Variants in PTPRG observed in about 807,000 individuals in gnomAD.
PTPRG encodes protein tyrosine phosphatase receptor type G, also known as receptor-type tyrosine-protein phosphatase gamma.
Under a neutral mutation model 165.3 loss-of-function variants are expected in PTPRG, and 102 were observed. The ratio of observed to expected loss-of-function variants is 0.62; its 90% CI spans 0.53 to 0.73. The LOEUF is 0.73. Ranked by LOEUF, PTPRG falls within the 30% of genes least tolerant of loss-of-function variation. The pLI, the probability that PTPRG is intolerant of heterozygous loss-of-function variation, is 0.00. For missense variants in PTPRG, 1,866 were observed against 1,861.4 expected, an observed-to-expected ratio of 1.00 and a Z score of -0.05; for synonymous variants, 675 against 669.5, an observed-to-expected ratio of 1.01 and a Z score of -0.13.
At chr3:62,101,967 C>G (rs893134545) in intron 5 of PTPRG, among the ~76,000 whole-genome samples, 16 of 152,122 alleles carry the variant, frequency 1.1e-4, no homozygotes, top group African/African-American at 3.9e-4. Flanking sequence ...GTATCTCTTT[C>G]TTTTTTTAAG....
At chr3:61,857,059 T>C (rs904329766) in intron 2 of PTPRG, among the ~76,000 whole-genome samples, 12 of 152,176 alleles carry the variant, frequency 7.9e-5, no homozygotes, top group African/African-American at 2.9e-4. Context: ...TTTCCCATCC[T>C]ATTTTCCTAT....
intron 5 of PTPRG, among the ~76,000 whole-genome samples, chr3:62,084,449 C>T (rs1040049808): frequency 6.6e-6 from 1 of 152,172 alleles, no homozygotes; most frequent in Non-Finnish European, 1.5e-5. Context: ...TCATTTGCCC[C>T]CTTTTCATTT....
At chr3:62,024,327 C>A (rs371004803) in intron 4 of PTPRG, among the ~76,000 whole-genome samples, 2 of 152,196 alleles carry the variant, frequency 1.3e-5, no homozygotes, top group South Asian at 2.1e-4. Flanking sequence ...TACAGAACTC[C>A]CATCTCCCCA....
Position 61,827,311 on chromosome 3 carries a change from A to G in PTPRG, c.190+78329A>G, listed in dbSNP as rs551827206. Among the ~76,000 whole-genome samples, 4 of 152,320 alleles carry G rather than the reference A, an allele frequency of 2.6e-5. No homozygotes were observed. In the South Asian group the frequency reaches 8.3e-4, roughly 32 times the overall value. On this transcript the variant is annotated intron_variant, in intron 2 of 29. Transcript: ENST00000474889. ...ACCCAGAGAAGTATGTGGTAAATAT[A>G]GGGCTTTGATTTTTAGTCTTTCATG... is the stretch of plus-strand genomic sequence containing the variant.
chr3:62,262,611 TCTTTATAC>T, intron 16 of PTPRG, 179 bp from the exon 17 acceptor site: 1 of 438,188 alleles, frequency 2.3e-6, no homozygotes, highest in Non-Finnish European at 4.0e-6. Context: ...AATAATGAAA[TCTTTATAC>T]CTTTTTCACA....
At chr3:61,840,221 C>T (rs1165916852) in intron 2 of PTPRG, among the ~76,000 whole-genome samples, 2 of 152,042 alleles carry the variant, frequency 1.3e-5, no homozygotes, top group Non-Finnish European at 2.9e-5. Flanking sequence ...GCTTCAGTCA[C>T]TTAGGTTGCT....
intron 8 of PTPRG, among the ~76,000 whole-genome samples, chr3:62,176,787 G>GTACA (rs200451627): frequency 0.018 from 2,750 of 152,134 alleles, 37 homozygotes; most frequent in Non-Finnish European, 0.03. Flanking sequence ...ACAGTACCTG[G>GTACA]TACATAGTAG....
intron 2 of PTPRG, among the ~76,000 whole-genome samples, chr3:61,779,065 CAG>C (rs1229261382): frequency 6.6e-6 from 1 of 152,168 alleles, no homozygotes; most frequent in Non-Finnish European, 1.5e-5. Context: ...TACACACACA[CAG>C]ACACACACAC....
intron 1 of PTPRG, among the ~76,000 whole-genome samples, chr3:61,637,513 T>C (rs1216851234): frequency 6.6e-6 from 1 of 152,198 alleles, no homozygotes; most frequent in African/African-American, 2.4e-5. Context: ...TCTGTGGCTT[T>C]CTGAATGTCA....
chr3:61,757,963 G>A (rs2033688507), intron 2 of PTPRG, among the ~76,000 whole-genome samples: 1 of 152,182 alleles, frequency 6.6e-6, no homozygotes, highest in South Asian at 2.1e-4. Context: ...CATGTGCTCT[G>A]TGATTTACTT....
At chr3:62,103,696 C>T (rs1051704036) in intron 5 of PTPRG, among the ~76,000 whole-genome samples, 2 of 152,204 alleles carry the variant, frequency 1.3e-5, no homozygotes, top group Non-Finnish European at 2.9e-5. Flanking sequence ...GGCAGAGTAT[C>T]TGTGTCTGCA....
intron 5 of PTPRG, among the ~76,000 whole-genome samples, chr3:62,121,916 C>T (rs1019331220): frequency 6.6e-6 from 1 of 152,238 alleles, no homozygotes; most frequent in African/African-American, 2.4e-5. Context: ...CAATCAAGGC[C>T]TGCCAGGAAA....
intron 1 of PTPRG, among the ~76,000 whole-genome samples, chr3:61,564,023 T>C (rs1413617583): frequency 6.6e-6 from 1 of 152,154 alleles, no homozygotes; most frequent in African/African-American, 2.4e-5. Context: ...GTTTGCCCAC[T>C]GGAGTCCTGC....
At chr3:62,277,917 G>A (rs1702288074) in intron 26 of PTPRG, among the ~76,000 whole-genome samples, 1 of 152,036 alleles carries the variant, frequency 6.6e-6, no homozygotes, top group South Asian at 2.1e-4. Context: ...TGTACTGTCT[G>A]TGGCGGTGTG....
chr3:62,083,270 T>TC (rs1553714697), intron 5 of PTPRG, among the ~76,000 whole-genome samples: 7 of 151,574 alleles, frequency 4.6e-5, no homozygotes, highest in African/African-American at 9.7e-5. Context: ...TTTTTTTTTT[T>TC]CTTCCTTTTT....
chr3:62,045,011 T>G (rs1285740763), intron 4 of PTPRG, among the ~76,000 whole-genome samples: 4 of 152,004 alleles, frequency 2.6e-5, no homozygotes, highest in African/African-American at 9.7e-5. Context: ...CGGATGAGTG[T>G]TTTAATTTGC....
intron 1 of PTPRG, among the ~76,000 whole-genome samples, chr3:61,652,022 A>AT (rs1702368139): frequency 6.6e-6 from 1 of 150,414 alleles, no homozygotes; most frequent in Non-Finnish European, 1.5e-5. Context: ...TATATATATA[A>AT]AAGTAGGCCA....
At position 61,562,242 on chromosome 3, in the gene PTPRG, C is replaced by G; in HGVS notation, c.-46C>G. The G allele has an allele frequency of 6.4e-7, 1 of 1,560,418 alleles. No individual in the cohort carries two copies. The highest frequency in any genetic ancestry group is 8.8e-7 in the Non-Finnish European group (1 of 1,131,752). ...CGCACGGAGGCAAGAACTTATTCAACAAGTTTACCTCCCTGCTTTCCTCTT... is the reference window on the plus strand; with the variant it reads ...CGCACGGAGGCAAGAACTTATTCAAGAAGTTTACCTCCCTGCTTTCCTCTT... On this transcript the variant is annotated 5_prime_UTR_variant, in exon 1 of 30. Coordinates refer to ENST00000474889, the MANE Select transcript of PTPRG (RefSeq NM_002841.4).
intron 2 of PTPRG, among the ~76,000 whole-genome samples, chr3:61,871,403 AT>A (rs1423850299): frequency 4.6e-5 from 7 of 151,038 alleles, no homozygotes; most frequent in Non-Finnish European, 8.9e-5. Flanking sequence ...ATTAAAAAAA[AT>A]TTTTTTTTGG....
Sources: gnomAD v4.1 joint callset for allele counts (sites outside exome capture counted in the v4.1 genomes callset) on GRCh38, gnomAD v4.1.1 for gene constraint, MANE v1.5 for transcripts, NCBI Gene and HGNC (gene_info 2026-07-23, HGNC 2026-07-21) for gene names.